The following RPS6KA2 variants were observed in gnomAD, a reference collection of about 807,000 sequenced individuals.
RPS6KA2 encodes the protein ribosomal protein S6 kinase A2, also known as ribosomal protein S6 kinase alpha-2.
In RPS6KA2, 42 loss-of-function variants were observed where a neutral mutation model predicts 91.8. That is an observed-to-expected ratio of 0.46 (90% CI 0.36 to 0.59). The LOEUF is 0.59. RPS6KA2 is among the 20% of genes least tolerant of loss of function. The pLI, the probability that RPS6KA2 is intolerant of heterozygous loss-of-function variation, is 0.00. For missense variants in RPS6KA2, 798 were observed against 978.5 expected, an observed-to-expected ratio of 0.82 and a Z score of 2.46; for synonymous variants, 414 against 393.6, an observed-to-expected ratio of 1.05 and a Z score of -0.61.
chr6:166,841,207 T>C (rs757296007), intron 2 of RPS6KA2, among the ~76,000 whole-genome samples: 17 of 151,948 alleles, frequency 1.1e-4, no homozygotes, highest in Non-Finnish European at 1.6e-4. Context: ...AGGGTGAGAT[T>C]ACACCGCTGC....
At chr6:166,622,654 C>T (rs1421664620) in intron 1 of RPS6KA2, among the ~76,000 whole-genome samples, 2 of 152,186 alleles carry the variant, frequency 1.3e-5, no homozygotes, top group Non-Finnish European at 2.9e-5. Flanking sequence ...CTGATGCTTG[C>T]TAAGAGTCCC....
chr6:166,432,129 C>A (rs964033769), intron 15 of RPS6KA2, among the ~76,000 whole-genome samples: 1 of 152,156 alleles, frequency 6.6e-6, no homozygotes, highest in African/African-American at 2.4e-5. Flanking sequence ...CCCCATGGGC[C>A]TCTATGAGAG....
intron 10 of RPS6KA2, among the ~76,000 whole-genome samples, chr6:166,488,545 G>A (rs1781487704): frequency 6.6e-6 from 1 of 152,268 alleles, no homozygotes; most frequent in East Asian, 1.9e-4. Context: ...AAAACTCAGG[G>A]AAGTCAGATT....
intron 2 of RPS6KA2, among the ~76,000 whole-genome samples, chr6:166,796,302 G>C (rs1404259027): frequency 6.6e-6 from 1 of 152,114 alleles, no homozygotes; most frequent in African/African-American, 2.4e-5. Context: ...TAAAAATCTG[G>C]CTTGTCGGCT....
At chr6:166,521,269 C>T (rs377704010) in intron 3 of RPS6KA2, among the ~76,000 whole-genome samples, 3 of 152,226 alleles carry the variant, frequency 2.0e-5, no homozygotes, top group Non-Finnish European at 2.9e-5. Flanking sequence ...GATTGGGTCA[C>T]CCAAAGCTGT....
intron 2 of RPS6KA2, among the ~76,000 whole-genome samples, chr6:166,680,689 C>T (rs186508735): frequency 3.3e-4 from 51 of 152,260 alleles, no homozygotes; most frequent in African/African-American, 1.1e-3. Flanking sequence ...GTCAGCGAGA[C>T]CATGAACCCA....
intron 5 of RPS6KA2, among the ~76,000 whole-genome samples, chr6:166,507,887 C>G (rs1223613808): frequency 6.7e-6 from 1 of 149,324 alleles, no homozygotes; most frequent in Non-Finnish European, 1.5e-5. Flanking sequence ...CGCACACCCC[C>G]CCACACACGC....
chr6:166,797,630 T>C (rs1779259143), intron 2 of RPS6KA2, among the ~76,000 whole-genome samples: 1 of 152,064 alleles, frequency 6.6e-6, no homozygotes, highest in South Asian at 2.1e-4. Flanking sequence ...CAGGTCTTCA[T>C]CCTTGTTGTC....
intron 2 of RPS6KA2, among the ~76,000 whole-genome samples, chr6:166,810,365 T>G (rs1409168745): frequency 6.6e-6 from 1 of 151,640 alleles, no homozygotes; most frequent in South Asian, 2.1e-4. Flanking sequence ...GACTCGGGAG[T>G]GCAAAGTAAC....
At chr6:166,829,599 A>G (rs1315719634) in intron 2 of RPS6KA2, among the ~76,000 whole-genome samples, 1 of 31,494 alleles carries the variant, frequency 3.2e-5, no homozygotes, top group African/African-American at 5.4e-5. Flanking sequence ...CAAAAAAAAA[A>G]AAAAAAAAAA....
chr6:166,605,932 AT>A (rs1785937705), intron 1 of RPS6KA2, among the ~76,000 whole-genome samples: 1 of 152,240 alleles, frequency 6.6e-6, no homozygotes, highest in Non-Finnish European at 1.5e-5. Flanking sequence ...GGTTGATGTG[AT>A]TTAGCCTAAG....
rs1215387445 is a variant in RPS6KA2 at position 166,726,365 on chromosome 6, C to G, written c.123+131835G>C. On this transcript the variant is annotated intron_variant, in intron 2 of 21. Coordinates refer to the RPS6KA2 transcript ENST00000503859. This position sits in a 1 kb window ranked among gnomAD's most constrained non-coding sequence, Gnocchi z 4.4. ...ACTCCACTGGGGGAAAGTTCCATTCCACCTCCGATTCCTAGAGCTGCAAGC... is the reference window on the plus strand; with the variant it reads ...ACTCCACTGGGGGAAAGTTCCATTCGACCTCCGATTCCTAGAGCTGCAAGC... Among the ~76,000 whole-genome samples the G allele has an allele frequency of 6.6e-6, 1 of 152,132 alleles. No individual in the cohort carries two copies. Among genetic ancestry groups the G allele is most frequent in the Non-Finnish European group, 1.5e-5 (1 of 68,018 alleles).
intron 2 of RPS6KA2, among the ~76,000 whole-genome samples, chr6:166,738,192 CATT>C (rs1790721565): frequency 6.6e-6 from 1 of 152,142 alleles, no homozygotes; most frequent in African/African-American, 2.4e-5. Context: ...ATCTCCAGTT[CATT>C]ATTATTATTT....
intron 2 of RPS6KA2, among the ~76,000 whole-genome samples, chr6:166,830,138 A>AGAAAGAAAGAAAG (rs1383896028): frequency 1.5e-5 from 2 of 129,042 alleles, no homozygotes; most frequent in African/African-American, 5.8e-5. Flanking sequence ...AAAAAAAAAA[A>AGAAAGAAAGAAAG]AAAGAAAGAA....
In RPS6KA2 at chr6:166,770,171, TG is replaced by T. The variant is rs906511020; in HGVS notation, c.123+88028del. ...AATCCCATGGTGTCACAACCACATG[TG>T]GCGTGACTACCGACTTACTACATTT... On this transcript the variant is annotated intron_variant, in intron 2 of 21. Transcript: ENST00000503859. The surrounding 1 kb of genome is among the most constrained non-coding windows in gnomAD (Gnocchi z 5.1). Among the ~76,000 whole-genome samples, 1 of 152,206 alleles carries T rather than the reference TG, an allele frequency of 6.6e-6. No individual in the cohort carries two copies. The highest frequency in any genetic ancestry group is 1.5e-5 in the Non-Finnish European group (1 of 68,030).
At chr6:166,702,315 G>A (rs1046336119) in intron 2 of RPS6KA2, 37 of 1,613,332 alleles carry the variant, frequency 2.3e-5, no homozygotes, top group African/African-American at 2.7e-5. Context: ...CCAAGCCCCC[G>A]GCGACCTCGG....
At chr6:166,587,056 T>G (rs1353826088) in intron 1 of RPS6KA2, among the ~76,000 whole-genome samples, 3 of 152,278 alleles carry the variant, frequency 2.0e-5, no homozygotes, top group African/African-American at 7.2e-5. Context: ...TTAGGGCTGG[T>G]GGAGCTACAA....
chr6:166,477,341 A>G (rs1781016362), intron 10 of RPS6KA2, among the ~76,000 whole-genome samples: 1 of 152,190 alleles, frequency 6.6e-6, no homozygotes, highest in South Asian at 2.1e-4. Flanking sequence ...GGGGGCTGGT[A>G]TCTTTTAACC....
At chr6:166,685,058 A>G (rs1788963348) in intron 2 of RPS6KA2, among the ~76,000 whole-genome samples, 1 of 152,242 alleles carries the variant, frequency 6.6e-6, no homozygotes, top group South Asian at 2.1e-4. Context: ...GCAAGGGCCA[A>G]CCGGCTTCCA....
Sources: gnomAD v4.1 joint callset for allele counts (sites outside exome capture counted in the v4.1 genomes callset) on GRCh38, gnomAD v4.1.1 for gene constraint, Gnocchi (gnomAD v3.1) non-coding constraint, MANE v1.5 for transcripts, NCBI Gene and HGNC (gene_info 2026-07-23, HGNC 2026-07-21) for gene names.